Variants in WDR36 observed in about 807,000 individuals in gnomAD.
WDR36 encodes WD repeat-containing protein 36.
Under a neutral mutation model 112.7 loss-of-function variants are expected in WDR36, and 63 were observed. The ratio of observed to expected loss-of-function variants is 0.56; its 90% CI spans 0.46 to 0.69. The LOEUF is 0.69. Ranked by LOEUF, WDR36 falls within the 30% of genes least tolerant of loss-of-function variation. The probability of loss-of-function intolerance (pLI) is 0.00; values close to 1 mark genes in which losing one functional copy is unlikely to be tolerated. For synonymous variants in WDR36, 410 were observed against 362.2 expected (o/e 1.13, Z -1.50); for missense variants, 1,226 against 1,070.3 (o/e 1.15, Z -2.03).
chr5:111,118,746 C>A (rs1753506248), intron 16 of WDR36, among the ~76,000 whole-genome samples: 1 of 152,116 alleles, frequency 6.6e-6, no homozygotes, highest in Non-Finnish European at 1.5e-5. Flanking sequence ...AAATTTCCTC[C>A]TGTTTCCTCC....
At position 111,103,921 on chromosome 5, in the gene WDR36, A is replaced by G. The variant is rs1292109883; in HGVS notation, c.730+3A>G. 4 of 1,610,584 alleles carry G rather than the reference A, an allele frequency of 2.5e-6. No homozygotes were observed. The Admixed American group carries it at 6.7e-5, about 27-fold the overall frequency. On this transcript the variant is annotated splice_donor_region_variant and intron_variant, in intron 7 of 22. Transcript: ENST00000513710. Reference sequence around the variant, plus strand: ...TACTTCAATTTCATTTCGCACAGGTAACTTTTAACATACTTATTGATAGGA... The same window carrying G: ...TACTTCAATTTCATTTCGCACAGGTGACTTTTAACATACTTATTGATAGGA...
chr5:111,104,766 C>G lies in WDR36; in HGVS notation c.976C>G (p.Leu326Val). 1 of 1,611,408 alleles carries G rather than the reference C, an allele frequency of 6.2e-7. No individual in the cohort carries two copies. The change falls in exon 9 of 23, where the codon CTT (leucine) becomes GTT (valine). Residue 326 changes from leucine (L) to valine (V), a missense_variant. By Grantham distance (32) the Leu-to-Val change is conservative (BLOSUM62 1). Coordinates refer to ENST00000513710, the MANE Select transcript of WDR36 (RefSeq NM_139281.3). Reference sequence around the variant, plus strand: ...ATTCAGAATGGGTCATAGTGCTCCTCTTACCAATATCAGATATTATGGACA... The same window carrying G: ...ATTCAGAATGGGTCATAGTGCTCCTGTTACCAATATCAGATATTATGGACA... ...LRFRMGHSAP[L>V]TNIRYYGQNG...
In WDR36 at chr5:111,104,232, T is replaced by C. The variant is rs761389970; in HGVS notation, c.786T>C (p.Asp262=). The part of the protein sequence containing the change: ...GSPCGHIGLW[D]LEDKKLINQM... ...CATGTGGCCATATTGGACTCTGGGA[T>C]CTAGAAGACAAAAAATTAATCAACC... is the stretch of plus-strand genomic sequence containing the variant. The change falls in exon 8 of 23, where the codon GAT becomes GAC. Residue 262 remains aspartate (D), a synonymous_variant. Transcript: ENST00000513710. The C allele has an allele frequency of 1.3e-5, 21 of 1,611,904 alleles. No homozygotes were observed. The highest frequency in any genetic ancestry group is 1.8e-5 in the Non-Finnish European group (21 of 1,178,526).
chr5:111,111,383 T>C, intron 15 of WDR36, 105 bp downstream of exon 15: 2 of 927,984 alleles, frequency 2.2e-6, no homozygotes, highest in Non-Finnish European at 3.5e-6. Context: ...TTATCAATTT[T>C]AATTTGCAGG....
chr5:111,116,006 G>A (rs944174094), intron 16 of WDR36, among the ~76,000 whole-genome samples: 1 of 151,080 alleles, frequency 6.6e-6, no homozygotes, highest in South Asian at 2.1e-4. Flanking sequence ...ACAGTGGTAC[G>A]ATCTCGGCTC....
In WDR36 at chr5:111,092,535, A is replaced by G. The variant is rs767960431; in HGVS notation, c.79A>G (p.Ile27Val). 5 of 1,614,124 alleles carry G rather than the reference A, an allele frequency of 3.1e-6. No individual in the cohort carries two copies. The South Asian group carries it at 3.3e-5, about 11-fold the overall frequency. The stretch of plus-strand genomic sequence containing the variant: ...GGCCTTGGGACTTTTCAGCAACGAC[A>G]TTCCACACGTGGTGCGGTTCAGCGC... ...FRALGLFSND[I>V]PHVVRFSALK... Residue 27 changes from isoleucine (I) to valine (V), a missense_variant, in exon 1 of 23, where the codon ATT (isoleucine) becomes GTT (valine). By Grantham distance (29) the Ile-to-Val change is conservative. Coordinates refer to ENST00000513710, the MANE Select transcript of WDR36 (RefSeq NM_139281.3).
chr5:111,121,174 A>G (rs760619973), intron 19 of WDR36, 33 bp downstream of exon 19: 6 of 1,611,816 alleles, frequency 3.7e-6, no homozygotes, highest in South Asian at 1.1e-5. Context: ...GACCCTAAGC[A>G]TGCATCCAGA....
chr5:111,114,690 TAAAA>T (rs201026382), intron 16 of WDR36, among the ~76,000 whole-genome samples: 1 of 151,838 alleles, frequency 6.6e-6, no homozygotes, highest in African/African-American at 2.4e-5. Context: ...TTTCTTCAAT[TAAAA>T]AAACATTTTG....
At chr5:111,107,518 C>A in intron 12 of WDR36, 79 bp downstream of exon 12, 1 of 1,552,006 alleles carries the variant, frequency 6.4e-7, no homozygotes, top group Non-Finnish European at 8.8e-7. Context: ...GGTTTCTCAT[C>A]ATAATATTGA....
At chr5:111,106,696 T>G (rs1426810810) in intron 11 of WDR36, among the ~76,000 whole-genome samples, 1 of 151,482 alleles carries the variant, frequency 6.6e-6, no homozygotes, top group African/African-American at 2.4e-5. Context: ...TAAAAACATT[T>G]GAATCACATC....
rs558698458 is a variant in WDR36, at chr5:111,100,631, T to C, written c.452T>C (p.Ile151Thr). Residue 151 changes from isoleucine to threonine, a missense_variant, in exon 5 of 23, where the codon ATT (isoleucine) becomes ACT (threonine). Physicochemically the swap from Ile to Thr is moderately conservative, Grantham distance 89. Coordinates refer to ENST00000513710, the MANE Select transcript of WDR36 (RefSeq NM_139281.3). ...ACTTTTGATAAATCAGTATTTAAAA[T>C]TTCTGCAATTTTGCATCCAAGTACC... Reference protein sequence around the residue: ...QLTFDKSVFKISAILHPSTYL... With the variant: ...QLTFDKSVFKTSAILHPSTYL... 18 of 1,602,082 alleles carry C rather than the reference T, an allele frequency of 1.1e-5. No homozygotes were observed. The South Asian group carries it at 1.9e-4, about 17-fold the overall frequency.
At position 111,112,985 on chromosome 5, in the gene WDR36, A is replaced by G. The variant is rs575903885; in HGVS notation, c.1717-89A>G. 30 of 272,108 alleles carry G rather than the reference A, an allele frequency of 1.1e-4. 1 individual carries two copies. In the South Asian group the frequency reaches 3.0e-3, roughly 27 times the overall value. The allele number at this position is 272,108 out of a possible 1,614,324, so 16.9% of individuals were successfully genotyped here. On this transcript the variant is annotated intron_variant, in intron 15 of 22. Transcript: ENST00000513710. Reference sequence around the variant, plus strand: ...ACATTCTTTAAGGTGTTAACTATATATACATACACACATACATACAAATAT... The same window carrying G: ...ACATTCTTTAAGGTGTTAACTATATGTACATACACACATACATACAAATAT...
At chr5:111,100,552 A>G in intron 4 of WDR36, 37 bp from the exon 5 acceptor site, 2 of 1,352,402 alleles carry the variant, frequency 1.5e-6, no homozygotes, top group Non-Finnish European at 1.0e-6. Context: ...ATTTTAAACT[A>G]TTTTATAAAA....
rs766393535 is a variant in WDR36 at position 111,097,189 on chromosome 5, G to T, written c.291+10G>T. 2 of 1,592,224 alleles carry T rather than the reference G, an allele frequency of 1.3e-6. No homozygotes were observed. The highest frequency in any genetic ancestry group is 3.3e-5 in the Admixed American group (2 of 59,966). ...TGCCCGTAATAAAGAGGTTGGTATC[G>T]CTAAACTACTTGTTTGTCAGTCAGT... is the stretch of plus-strand genomic sequence containing the variant. On this transcript the variant is annotated intron_variant, in intron 3 of 22. Transcript: ENST00000513710.
intron 1 of WDR36, among the ~76,000 whole-genome samples, chr5:111,094,471 T>C (rs1752936119): frequency 6.6e-6 from 1 of 152,110 alleles, no homozygotes; most frequent in African/African-American, 2.4e-5. Context: ...TTTTGACATG[T>C]TTAAATGTTT....
intron 21 of WDR36, among the ~76,000 whole-genome samples, chr5:111,124,413 T>C (rs748429349): frequency 3.3e-5 from 5 of 152,182 alleles, no homozygotes; most frequent in Non-Finnish European, 4.4e-5. Context: ...ATTTTTCATA[T>C]ATCTAACTTA....
intron 4 of WDR36, among the ~76,000 whole-genome samples, chr5:111,099,274 G>C (rs991156836): frequency 6.6e-6 from 1 of 151,968 alleles, no homozygotes; most frequent in Non-Finnish European, 1.5e-5. Flanking sequence ...TCTTTCAACT[G>C]TGATAGCTTA....
intron 19 of WDR36, among the ~76,000 whole-genome samples, chr5:111,122,908 G>A (rs904532950): frequency 1.3e-5 from 2 of 152,070 alleles, no homozygotes; most frequent in Admixed American, 6.5e-5. Context: ...TCAGGAGTTC[G>A]AGACCAGCCT....
intron 19 of WDR36, 53 bp downstream of exon 19, chr5:111,121,194 A>AT: frequency 6.2e-7 from 1 of 1,605,112 alleles, no homozygotes; most frequent in Non-Finnish European, 8.5e-7. Flanking sequence ...AAGCATTTTT[A>AT]TTTTTTTAAG....
Sources: gnomAD v4.1 joint callset for allele counts (sites outside exome capture counted in the v4.1 genomes callset) on GRCh38, gnomAD v4.1.1 for gene constraint, MANE v1.5 for transcripts, NCBI Gene and HGNC (gene_info 2026-07-23, HGNC 2026-07-21) for gene names.